The following TBC1D19 variants were observed in gnomAD, a reference collection of about 807,000 sequenced individuals.
TBC1D19 encodes TBC1 domain family, member 19.
In TBC1D19, 60 loss-of-function variants were observed where a neutral mutation model predicts 89.0. That is an observed-to-expected ratio of 0.67 (90% CI 0.55 to 0.84). The LOEUF (loss-of-function observed/expected upper bound fraction) is 0.84. Among genes scored for constraint, TBC1D19 ranks in the 40% least tolerant of loss-of-function variants. The pLI, the probability that TBC1D19 is intolerant of heterozygous loss-of-function variation, is 0.00. For missense variants in TBC1D19, 500 were observed against 610.8 expected (o/e 0.82, Z 1.91); for synonymous variants, 189 against 199.7 (o/e 0.95, Z 0.45).
At chr4:26,656,442 A>G (rs1223250923) in intron 7 of TBC1D19, among the ~76,000 whole-genome samples, 1 of 152,118 alleles carries the variant, frequency 6.6e-6, no homozygotes, top group Admixed American at 6.5e-5. Context: ...CACTAACATT[A>G]TTTCTTTATG....
At chr4:26,781,042 C>G in the TBC1D19 span, among the ~76,000 whole-genome samples, 2 of 152,164 alleles carry the variant, frequency 1.3e-5, no homozygotes, top group Non-Finnish European at 2.9e-5. Context: ...AGTTGAGGTT[C>G]TTGCTCTCAC....
At chr4:26,587,330 C>A (rs773334918) in intron 1 of TBC1D19, among the ~76,000 whole-genome samples, 24 of 152,116 alleles carry the variant, frequency 1.6e-4, no homozygotes, top group Non-Finnish European at 2.5e-4. Context: ...GTAATCCTAG[C>A]ACTTTGGGAG....
intron 11 of TBC1D19, among the ~76,000 whole-genome samples, chr4:26,676,291 A>G (rs1057220605): frequency 6.6e-6 from 1 of 152,206 alleles, no homozygotes; most frequent in Non-Finnish European, 1.5e-5. Context: ...CAGTCTTAGC[A>G]AAATACTTAA....
chr4:26,845,383 AATAAT>A, the TBC1D19 span, among the ~76,000 whole-genome samples: 1 of 152,208 alleles, frequency 6.6e-6, no homozygotes, highest in East Asian at 1.9e-4. Flanking sequence ...ATATAAAATA[AATAAT>A]ATAATATTGA....
At chr4:26,795,387 A>G in the TBC1D19 span, among the ~76,000 whole-genome samples, 1 of 152,094 alleles carries the variant, frequency 6.6e-6, no homozygotes. Flanking sequence ...TTTTCCTTAT[A>G]TTGATCACCA....
intron 1 of TBC1D19, among the ~76,000 whole-genome samples, chr4:26,596,202 C>T (rs1740199791): frequency 6.6e-6 from 1 of 152,152 alleles, no homozygotes; most frequent in Admixed American, 6.5e-5. Flanking sequence ...TATGATCCAT[C>T]TGCCTCGGCC....
chr4:26,841,385 C>T, the TBC1D19 span, among the ~76,000 whole-genome samples: 1 of 110,300 alleles, frequency 9.1e-6, no homozygotes, highest in Non-Finnish European at 1.9e-5. Context: ...GACTCTGTCT[C>T]AAAAAAAAAA....
chr4:26,740,787 C>T, intron 17 of TBC1D19: 1 of 985,368 alleles, frequency 1.0e-6, no homozygotes, highest in Non-Finnish European at 1.2e-6. Context: ...CCCAAAGAGG[C>T]AACTGTATTA....
At chr4:26,668,317 C>G (rs76423755) in intron 9 of TBC1D19, among the ~76,000 whole-genome samples, 191 of 152,052 alleles carry the variant, frequency 1.3e-3, no homozygotes, top group African/African-American at 4.1e-3. Context: ...TTCTAAATCT[C>G]ATAGTATCTA....
chr4:26,830,779 TC>T, the TBC1D19 span, among the ~76,000 whole-genome samples: 1 of 152,230 alleles, frequency 6.6e-6, no homozygotes, highest in Non-Finnish European at 1.5e-5. Flanking sequence ...TGTGTTCCTG[TC>T]CTCAAACTGG....
At chr4:26,819,000 A>T in the TBC1D19 span, among the ~76,000 whole-genome samples, 1 of 152,212 alleles carries the variant, frequency 6.6e-6, no homozygotes, top group Non-Finnish European at 1.5e-5. Flanking sequence ...AACACTGTCT[A>T]TGCTTCTGGA....
At chr4:26,656,259 A>G (rs1744795906) in intron 7 of TBC1D19, among the ~76,000 whole-genome samples, 1 of 152,120 alleles carries the variant, frequency 6.6e-6, no homozygotes, top group Admixed American at 6.5e-5. Flanking sequence ...TTGCACAGCA[A>G]TAACTACTAT....
At chr4:26,855,792 G>A in the TBC1D19 span, among the ~76,000 whole-genome samples, 1 of 152,168 alleles carries the variant, frequency 6.6e-6, no homozygotes, top group Admixed American at 6.5e-5. Context: ...TTCAAGTGCT[G>A]TAGGGAACCC....
intron 1 of TBC1D19, among the ~76,000 whole-genome samples, chr4:26,593,893 G>A (rs1399450274): frequency 6.6e-6 from 1 of 152,234 alleles, no homozygotes; most frequent in African/African-American, 2.4e-5. Flanking sequence ...CTGTTGGTGG[G>A]ATGGTAAACT....
upstream of TBC1D19, among the ~76,000 whole-genome samples, chr4:26,582,442 A>G (rs1226608048): frequency 6.6e-6 from 1 of 152,120 alleles, no homozygotes; most frequent in African/African-American, 2.4e-5. Flanking sequence ...ACGCTCTACT[A>G]ATCTTTTCAG....
intron 1 of TBC1D19, among the ~76,000 whole-genome samples, chr4:26,603,446 A>G (rs1314631958): frequency 6.6e-6 from 1 of 152,224 alleles, no homozygotes; most frequent in East Asian, 1.9e-4. Flanking sequence ...ATCAAAACTA[A>G]TCTTTAGGAA....
chr4:26,721,480 C>T (rs547736115), intron 15 of TBC1D19, among the ~76,000 whole-genome samples: 2 of 152,196 alleles, frequency 1.3e-5, no homozygotes, highest in African/African-American at 4.8e-5. Context: ...GCTGCCTTGT[C>T]TCCTTTCAGT....
At chr4:26,709,689 T>G (rs944387192) in intron 13 of TBC1D19, among the ~76,000 whole-genome samples, 10 of 151,786 alleles carry the variant, frequency 6.6e-5, no homozygotes. Flanking sequence ...TTAACTGAAA[T>G]TTACCATCCA....
intron 2 of TBC1D19, among the ~76,000 whole-genome samples, chr4:26,614,200 A>C (rs575477977): frequency 3.9e-5 from 6 of 152,216 alleles, no homozygotes; most frequent in Non-Finnish European, 8.8e-5. Flanking sequence ...TATCATGTTG[A>C]TGACTTTGCT....
Sources: allele counts gnomAD v4.1 joint callset (sites outside exome capture counted in the v4.1 genomes callset), GRCh38; gene constraint gnomAD v4.1.1; transcripts MANE v1.5; gene names NCBI Gene and HGNC (gene_info 2026-07-23, HGNC 2026-07-21).